PATE1: variants seen among roughly 807,000 people sequenced by gnomAD.
PATE1 encodes prostate and testis expressed protein 1.
PATE1 carries 21 observed loss-of-function variants against 13.1 expected under a neutral mutation model. That is an observed-to-expected ratio of 1.61 (90% CI 1.14 to 2.31). The LOEUF is 2.31. PATE1 is among the 30% of genes most tolerant of loss of function. The pLI, the probability that PATE1 is intolerant of heterozygous loss-of-function variation, is 0.00. For synonymous variants in PATE1, 52 were observed against 47.1 expected (o/e 1.10, Z -0.43); for missense variants, 166 against 147.2 (o/e 1.13, Z -0.66).
At chr11:125,748,515 T>C (rs530290789) in intron 4 of PATE1, 85 bp from the exon 5 acceptor site, 2 of 1,447,798 alleles carry the variant, frequency 1.4e-6, no homozygotes, top group African/African-American at 2.8e-5. Context: ...AGATTATTTC[T>C]ATATGTTGGT....
At chr11:125,747,990 G>A (rs1012951904) in intron 4 of PATE1, 168 bp downstream of exon 4, 91 of 1,030,856 alleles carry the variant, frequency 8.8e-5, no homozygotes, top group East Asian at 2.7e-5. Flanking sequence ...ATTAGATGGA[G>A]GTGGTCACTA....
Position 125,748,814 on chromosome 11 carries a change from T to TCA in PATE1, c.*101_*102dup, listed in dbSNP as rs71750638. On this transcript the variant is annotated 3_prime_UTR_variant, in exon 5 of 5. Coordinates refer to ENST00000305738, the MANE Select transcript of PATE1 (RefSeq NM_138294.3). The stretch of plus-strand genomic sequence containing the variant: ...CTTCACAATGACTTTCTAAAAAAAA[T>TCA]CACACACACACACACACACACTACA... The TCA allele has an allele frequency of 0.017, 17,822 of 1,035,112 alleles. 291 individuals are homozygous for TCA. In the African/African-American group the frequency reaches 0.19, roughly 11 times the overall value. The allele number at this position is 1,035,112 out of a possible 1,614,324, so 64.1% of individuals were successfully genotyped here.
chr11:125,746,830 C>A, intron 2 of PATE1, 134 bp downstream of exon 2: 1 of 876,490 alleles, frequency 1.1e-6, no homozygotes, highest in Non-Finnish European at 1.9e-6. Flanking sequence ...GCAACAACCT[C>A]TTCCAGCAGG....
rs1184401056 is a variant in PATE1 at position 125,746,728 on chromosome 11, G to A, written c.88+32G>A. On this transcript the variant is annotated intron_variant, in intron 2 of 4. Transcript: ENST00000305738. ...AGGAATAGATAAGTGGTATGAGAAG[G>A]GGAAGGTCTGAGGAGGAAAAGATGA... 6 of 1,611,732 alleles carry A rather than the reference G, an allele frequency of 3.7e-6. No individual in the cohort carries two copies. In the South Asian group the frequency reaches 6.6e-5, roughly 18 times the overall value.
At position 125,746,769 on chromosome 11, in the gene PATE1, C is replaced by G; in HGVS notation, c.88+73C>G. ...GAAAAGATGAGTGGGGTGAGGTGAG[C>G]ACCAGGGGCCAAAAAAAACCAAAAT... On this transcript the variant is annotated intron_variant, in intron 2 of 4. Transcript: ENST00000305738. 7 of 1,539,846 alleles carry G rather than the reference C, an allele frequency of 4.5e-6. No individual in the cohort carries two copies. In the South Asian group the frequency reaches 7.9e-5, roughly 17 times the overall value.
At chr11:125,747,290 A>G (rs1377080227) in intron 2 of PATE1, 86 bp from the exon 3 acceptor site, 3 of 1,281,340 alleles carry the variant, frequency 2.3e-6, no homozygotes, top group Non-Finnish European at 3.3e-6. Context: ...TGCAGGATGG[A>G]CCCTGAAGGG....
chr11:125,747,332 C>T (rs1285197402), intron 2 of PATE1, 44 bp from the exon 3 acceptor site: 10 of 1,590,392 alleles, frequency 6.3e-6, no homozygotes, highest in South Asian at 1.1e-5. Flanking sequence ...AAGAGTAAAT[C>T]TCAGGCACAT....
At chr11:125,748,033 C>A in intron 4 of PATE1, 1 of 633,210 alleles carries the variant, frequency 1.6e-6, no homozygotes, top group Non-Finnish European at 2.6e-6. Flanking sequence ...AAGGGATTAG[C>A]ATTTTGAGAA....
At chr11:125,748,543 T>A (rs923165682) in intron 4 of PATE1, 57 bp from the exon 5 acceptor site, 1 of 1,587,072 alleles carries the variant, frequency 6.3e-7, no homozygotes, top group South Asian at 1.2e-5. Context: ...GGAGAAAAGT[T>A]TTTTAGCAGA....
intron 4 of PATE1, chr11:125,748,060 G>A: frequency 3.7e-6 from 2 of 533,728 alleles, no homozygotes; most frequent in South Asian, 4.4e-5. Context: ...AGAAAACAGA[G>A]GAGAATAAAT....
chr11:125,747,546 G>C, intron 3 of PATE1, 135 bp downstream of exon 3: 1 of 1,415,580 alleles, frequency 7.1e-7, no homozygotes, highest in East Asian at 2.3e-5. Flanking sequence ...CACTCTCTTG[G>C]CTTAGTGTAT....
rs1023266883 is a variant in PATE1 at position 125,749,765 on chromosome 11, C to T, written c.*1032C>T. 2.0e-5 allele frequency: 3 copies of T among 151,796 alleles called. No homozygotes were observed. Among genetic ancestry groups the T allele is most frequent in the Non-Finnish European group, 4.4e-5 (3 of 67,996 alleles). The allele number at this position is 151,796 out of a possible 1,614,324, so 9.4% of individuals were successfully genotyped here. A position where few individuals can be genotyped will look rare whatever the true frequency, so the allele number is the denominator to read the frequency against. On this transcript the variant is annotated 3_prime_UTR_variant, in exon 5 of 5. Coordinates refer to ENST00000305738, the MANE Select transcript of PATE1 (RefSeq NM_138294.3). ...CACAAGGGTAGAGGCTGATTTCTAA[C>T]GAAACTTGTAGAATGAAGCCTGGAA...
chr11:125,748,025 G>A lies in PATE1; in HGVS notation c.247+203G>A, dbSNP rs1182978487. The stretch of plus-strand genomic sequence containing the variant: ...AAGGAGGGTGGGGGCCTACAGCTAA[G>A]GGATTAGCATTTTGAGAAGCCTGAA... On this transcript the variant is annotated intron_variant, in intron 4 of 4. Transcript: ENST00000305738. 6 of 676,060 alleles carry A rather than the reference G, an allele frequency of 8.9e-6. No individual in the cohort carries two copies. The East Asian group carries it at 1.5e-4, about 17-fold the overall frequency. 41.9% of individuals were successfully genotyped at this position (676,060 alleles called of 1,614,324 possible). A position where few individuals can be genotyped will look rare whatever the true frequency, so the allele number is the denominator to read the frequency against.
Position 125,749,728 on chromosome 11 carries a change from A to G in PATE1, c.*995A>G, listed in dbSNP as rs552554111. On this transcript the variant is annotated 3_prime_UTR_variant, in exon 5 of 5. Transcript: ENST00000305738. ...CATCCTGGAGAAAAATGGCAGTTTGACCGAACCTGTTCACAAGGGTAGAGG... is the reference window on the plus strand; with the variant it reads ...CATCCTGGAGAAAAATGGCAGTTTGGCCGAACCTGTTCACAAGGGTAGAGG... The G allele has an allele frequency of 6.6e-6, 1 of 152,246 alleles. No homozygotes were observed. Among genetic ancestry groups the G allele is most frequent in the African/African-American group, 2.4e-5 (1 of 41,538 alleles). The allele number at this position is 152,246 out of a possible 1,614,324, so 9.4% of individuals were successfully genotyped here. A position where few individuals can be genotyped will look rare whatever the true frequency, so the allele number is the denominator to read the frequency against.
At chr11:125,746,627 C>T (rs539889056) in intron 1 of PATE1, 34 bp from the exon 2 acceptor site, 29 of 1,612,536 alleles carry the variant, frequency 1.8e-5, no homozygotes, top group South Asian at 1.2e-4. Flanking sequence ...AAAATGAGGT[C>T]TGCAGACAGT....
rs948923093 is a variant in PATE1, at chr11:125,748,924, T to C, written c.*191T>C. 1.8e-6 allele frequency: 1 copy of C among 556,944 alleles called. No individual in the cohort carries two copies. The highest frequency in any genetic ancestry group is 3.0e-6 in the Non-Finnish European group (1 of 336,902). The allele number at this position is 556,944 out of a possible 1,614,324, so 34.5% of individuals were successfully genotyped here. Reference sequence around the variant, plus strand: ...TTTCTACAGTCTCTGTCACGCCCCTTAAAATAAGTAAATAAATAACCTTGA... The same window carrying C: ...TTTCTACAGTCTCTGTCACGCCCCTCAAAATAAGTAAATAAATAACCTTGA... On this transcript the variant is annotated 3_prime_UTR_variant, in exon 5 of 5. Coordinates refer to ENST00000305738, the MANE Select transcript of PATE1 (RefSeq NM_138294.3).
rs1943302602 is a variant in PATE1, at chr11:125,748,693, G to A, written c.341G>A (p.Arg114Lys). 6.2e-7 allele frequency: 1 copy of A among 1,613,878 alleles called. No homozygotes were observed. Among genetic ancestry groups the A allele is most frequent in the South Asian group, 1.1e-5 (1 of 91,062 alleles). ...IRWSVYLVNF[R>K]CCRSHDLCNE... is the part of the protein sequence containing the mutation. ...TGGAGTGTCTATTTGGTGAACTTCA[G>A]GTGCTGCAGGAGCCATGACCTGTGC... The change falls in exon 5 of 5, where the codon AGG becomes AAG. Residue 114 changes from arginine to lysine, a missense_variant. Physicochemically the swap from Arg to Lys is conservative, Grantham distance 26. Coordinates refer to ENST00000305738, the MANE Select transcript of PATE1 (RefSeq NM_138294.3).
intron 4 of PATE1, 29 bp downstream of exon 4, chr11:125,747,851 C>T (rs375102219): frequency 3.1e-5 from 50 of 1,612,838 alleles, no homozygotes; most frequent in Middle Eastern, 1.7e-4. Flanking sequence ...AAAAGAAGAA[C>T]GGGCAGAGGA....
intron 1 of PATE1, 97 bp downstream of exon 1, chr11:125,746,453 C>T: frequency 7.0e-7 from 1 of 1,425,018 alleles, no homozygotes; most frequent in Non-Finnish European, 9.9e-7. Flanking sequence ...CCTATGGCAA[C>T]TGAAGCATGA....
Sources: allele counts gnomAD v4.1 joint callset, GRCh38; gene constraint gnomAD v4.1.1; transcripts MANE v1.5; gene names NCBI Gene and HGNC (gene_info 2026-07-23, HGNC 2026-07-21).